The following OPCML variants were observed in gnomAD, a reference collection of about 807,000 sequenced individuals.
OPCML encodes opioid-binding protein/cell adhesion molecule.
Under a neutral mutation model 37.8 loss-of-function variants are expected in OPCML, and 13 were observed. That is an observed-to-expected ratio of 0.34 (90% confidence interval 0.22 to 0.55). The LOEUF (loss-of-function observed/expected upper bound fraction) is 0.55. Ranked by LOEUF, OPCML falls within the 20% of genes least tolerant of loss-of-function variation. The pLI is 0.91. For synonymous variants in OPCML, 176 were observed against 168.8 expected (o/e 1.04, Z -0.33); for missense variants, 341 against 435.6 (o/e 0.78, Z 1.93).
chr11:133,310,663 G>A (rs914519987), intron 1 of OPCML, among the ~76,000 whole-genome samples: 1 of 152,072 alleles, frequency 6.6e-6, no homozygotes, highest in African/African-American at 2.4e-5. Flanking sequence ...ATTGCTAAAT[G>A]CCCAAGCACT....
intron 3 of OPCML, among the ~76,000 whole-genome samples, chr11:132,537,484 G>T (rs930154330): frequency 6.6e-6 from 1 of 152,094 alleles, no homozygotes; most frequent in Non-Finnish European, 1.5e-5. Context: ...AAACTTAGAA[G>T]AAAACACAAG....
chr11:133,494,163 A>G (rs912852450), intron 1 of OPCML, among the ~76,000 whole-genome samples: 2 of 152,216 alleles, frequency 1.3e-5, no homozygotes, highest in African/African-American at 4.8e-5. Context: ...AATCAAAACC[A>G]CAATGAGATA....
chr11:133,041,761 T>C (rs867798588), intron 1 of OPCML, among the ~76,000 whole-genome samples: 1 of 152,284 alleles, frequency 6.6e-6, no homozygotes, highest in Non-Finnish European at 1.5e-5. Flanking sequence ...TGGGAGAATG[T>C]ACTTAAAAAG....
chr11:133,416,124 T>C (rs1945758856), intron 1 of OPCML, among the ~76,000 whole-genome samples: 1 of 152,150 alleles, frequency 6.6e-6, no homozygotes, highest in Admixed American at 6.5e-5. Flanking sequence ...TTTGGAGTAT[T>C]TTGCTATAGC....
intron 2 of OPCML, among the ~76,000 whole-genome samples, chr11:132,719,518 T>C (rs758458580): frequency 1.3e-5 from 2 of 152,264 alleles, no homozygotes; most frequent in Middle Eastern, 3.4e-3. Context: ...GCCTCTGTGC[T>C]GCAACCACGA....
rs184873505 is a variant in OPCML, at chr11:132,848,911, A to G, written c.146+94015T>C. ...ATGGAAAAGCTTTATGAAGTCCTCT[A>G]CGAAAGGCAGGATGTTGCTGGGCGA... On this transcript the variant is annotated intron_variant, in intron 2 of 7. Coordinates refer to ENST00000524381, the MANE Select transcript of OPCML (RefSeq NM_001012393.5). 2.0e-5 allele frequency among the ~76,000 whole-genome samples: 3 copies of G among 152,320 alleles called. No homozygotes were observed. The East Asian group carries it at 5.8e-4, about 29-fold the overall frequency.
At chr11:132,645,996 T>C (rs941021984) in intron 3 of OPCML, among the ~76,000 whole-genome samples, 1 of 152,094 alleles carries the variant, frequency 6.6e-6, no homozygotes, top group African/African-American at 2.4e-5. Context: ...TGCAGGATGC[T>C]GGGCAGCGGG....
intron 1 of OPCML, among the ~76,000 whole-genome samples, chr11:133,388,006 G>C (rs1945092711): frequency 6.6e-6 from 1 of 152,112 alleles, no homozygotes; most frequent in Non-Finnish European, 1.5e-5. Flanking sequence ...AGTGAGGTTA[G>C]AGAGCTTTGG....
chr11:132,447,407 T>A (rs1035760284), intron 4 of OPCML, among the ~76,000 whole-genome samples: 1 of 151,952 alleles, frequency 6.6e-6, no homozygotes, highest in African/African-American at 2.4e-5. Context: ...CAAGCAATTC[T>A]CCTGCCTCAG....
chr11:132,543,566 G>A (rs898650892), intron 3 of OPCML, among the ~76,000 whole-genome samples: 5 of 151,772 alleles, frequency 3.3e-5, no homozygotes, highest in Admixed American at 2.6e-4. Context: ...GTATAGAATA[G>A]ACCATTAATT....
intron 1 of OPCML, among the ~76,000 whole-genome samples, chr11:133,178,411 G>GTTTCAA (rs1937653961): frequency 6.6e-6 from 1 of 151,978 alleles, no homozygotes; most frequent in African/African-American, 2.4e-5. Context: ...GACCTTCTGC[G>GTTTCAA]ATCTGGAAGG....
intron 2 of OPCML, among the ~76,000 whole-genome samples, chr11:132,925,500 C>T (rs914701716): frequency 6.6e-6 from 1 of 152,208 alleles, no homozygotes; most frequent in Admixed American, 6.5e-5. Context: ...CGCCTTTTCA[C>T]CCTGAGAACC....
chr11:133,500,147 G>A (rs756040851), intron 1 of OPCML, among the ~76,000 whole-genome samples: 1 of 152,050 alleles, frequency 6.6e-6, no homozygotes, highest in Non-Finnish European at 1.5e-5. Flanking sequence ...TGGGTTTACA[G>A]GCGTGAGCCA....
intron 1 of OPCML, among the ~76,000 whole-genome samples, chr11:133,120,917 A>AC (rs775775051): frequency 1.3e-4 from 19 of 151,966 alleles, no homozygotes; most frequent in Non-Finnish European, 2.6e-4. Flanking sequence ...TTCACTAAAC[A>AC]CCCCATCATA....
In OPCML at chr11:133,467,302, T is replaced by C. The variant is rs568354664; in HGVS notation, c.61+64962A>G. ...CAGGATTCGATATGGATGGAAGTTGTCATGGGGTTCCTAGGCACCCTTAGA... is the reference window on the plus strand; with the variant it reads ...CAGGATTCGATATGGATGGAAGTTGCCATGGGGTTCCTAGGCACCCTTAGA... On this transcript the variant is annotated intron_variant, in intron 1 of 7. Transcript: ENST00000524381. Among the ~76,000 whole-genome samples the C allele has an allele frequency of 2.6e-5, 4 of 152,284 alleles. No homozygotes were observed. In the East Asian group the frequency reaches 5.8e-4, roughly 22 times the overall value.
At chr11:133,327,985 T>C (rs1381984020) in intron 1 of OPCML, among the ~76,000 whole-genome samples, 5 of 152,178 alleles carry the variant, frequency 3.3e-5, no homozygotes, top group Admixed American at 2.6e-4. Context: ...CTATTTTAGA[T>C]ATTCTTCAGT....
chr11:133,101,969 A>T (rs1431326723), intron 1 of OPCML, among the ~76,000 whole-genome samples: 1 of 152,206 alleles, frequency 6.6e-6, no homozygotes, highest in Non-Finnish European at 1.5e-5. Context: ...AATCTGTAAA[A>T]ACTATGTACT....
intron 1 of OPCML, among the ~76,000 whole-genome samples, chr11:133,107,662 C>G (rs1222129510): frequency 6.6e-6 from 1 of 152,162 alleles, no homozygotes; most frequent in Admixed American, 6.5e-5. Context: ...TAATAAAGAC[C>G]CTTCCTGACT....
chr11:132,885,229 A>T (rs528477698), intron 2 of OPCML, among the ~76,000 whole-genome samples: 1 of 152,332 alleles, frequency 6.6e-6, no homozygotes, highest in East Asian at 1.9e-4. Flanking sequence ...AATGTCTAAA[A>T]TCCGGGGAAC....
Sources: gnomAD v4.1 joint callset for allele counts (sites outside exome capture counted in the v4.1 genomes callset) on GRCh38, gnomAD v4.1.1 for gene constraint, MANE v1.5 for transcripts, NCBI Gene and HGNC (gene_info 2026-07-23, HGNC 2026-07-21) for gene names.